The following TMX3 variants were observed in gnomAD, a reference collection of about 807,000 sequenced individuals.
The protein encoded by TMX3 is protein disulfide-isomerase TMX3.
TMX3 carries 40 observed loss-of-function variants against 64.4 expected under a neutral mutation model. That is an observed-to-expected ratio of 0.62 (90% confidence interval 0.48 to 0.81). The LOEUF (loss-of-function observed/expected upper bound fraction) is 0.81. Ranked by LOEUF, TMX3 falls within the 30% of genes least tolerant of loss-of-function variation. TMX3 has a pLI of 0.00. For synonymous variants in TMX3, 189 were observed against 175.7 expected (o/e 1.08, Z -0.60); for missense variants, 497 against 534.5 (o/e 0.93, Z 0.69).
intron 10 of TMX3, among the ~76,000 whole-genome samples, chr18:68,684,736 A>G (rs113723158): frequency 6.6e-6 from 1 of 152,194 alleles, no homozygotes; most frequent in African/African-American, 2.4e-5. Context: ...TAAATATGTA[A>G]TAATTTATAC....
In TMX3 at chr18:68,710,116, T is replaced by C. The variant is rs1408236694; in HGVS notation, c.170A>G (p.Lys57Arg). The change falls in exon 4 of 16, where the codon AAA becomes AGA. Residue 57 changes from lysine to arginine, a missense_variant. By Grantham distance (26) the Lys-to-Arg change is conservative. Transcript: ENST00000299608. Reference sequence around the variant, plus strand: ...TTCATTCCAAATTGGTTCCAGCTTTTTACAATGGCCACACCATGGCGCATA... The same window carrying C: ...TTCATTCCAAATTGGTTCCAGCTTTCTACAATGGCCACACCATGGCGCATA... ...DFYAPWCGHC[K>R]KLEPIWNEVG... The C allele has an allele frequency of 6.3e-7, 1 of 1,599,074 alleles. No homozygotes were observed. The highest frequency in any genetic ancestry group is 8.5e-7 in the Non-Finnish European group (1 of 1,173,554).
chr18:68,713,004 A>T (rs1044454207), intron 2 of TMX3, among the ~76,000 whole-genome samples: 338 of 114,432 alleles, frequency 3.0e-3, no homozygotes, highest in African/African-American at 0.015. Flanking sequence ...CAAGAGGTTT[A>T]AAAAAAAAAA....
At chr18:68,701,927 T>C in intron 4 of TMX3, 137 bp from the exon 5 acceptor site, 2 of 612,036 alleles carry the variant, frequency 3.3e-6, no homozygotes, top group Non-Finnish European at 5.5e-6. Flanking sequence ...CTTAAGATTA[T>C]AAAATCACAC....
intron 2 of TMX3, 97 bp downstream of exon 2, chr18:68,713,749 T>C: frequency 1.8e-6 from 1 of 569,406 alleles, no homozygotes; most frequent in Non-Finnish European, 2.7e-6. Flanking sequence ...TATATAAAAA[T>C]TGGTTCCAAT....
At chr18:68,698,374 AAG>A (rs1915322977) in intron 6 of TMX3, among the ~76,000 whole-genome samples, 1 of 152,200 alleles carries the variant, frequency 6.6e-6, no homozygotes, top group South Asian at 2.1e-4. Context: ...GACAATTCCC[AAG>A]AGAGTTATTT....
intron 4 of TMX3, among the ~76,000 whole-genome samples, chr18:68,708,019 ATATATGTG>A (rs901746253): frequency 6.2e-5 from 8 of 129,634 alleles, no homozygotes; most frequent in South Asian, 2.1e-4. Context: ...GTATATGTGT[ATATATGTG>A]TATATGTGTA....
At chr18:68,687,452 T>C (rs1000323214) in intron 10 of TMX3, 5 of 985,324 alleles carry the variant, frequency 5.1e-6, no homozygotes, top group African/African-American at 3.5e-5. Flanking sequence ...CCATCAGTTC[T>C]ATTAGTAAAC....
intron 4 of TMX3, among the ~76,000 whole-genome samples, chr18:68,706,597 G>A (rs140071861): frequency 1.2e-3 from 185 of 152,272 alleles, no homozygotes; most frequent in African/African-American, 4.3e-3. Flanking sequence ...CAGATTACAT[G>A]CTGAGGAACA....
rs933375466 is a variant in TMX3, at chr18:68,685,721, T to C, written c.737-1236A>G. Among the ~76,000 whole-genome samples, 14 of 152,094 alleles carry C rather than the reference T, an allele frequency of 9.2e-5. 1 individual carries two copies. Among genetic ancestry groups the C allele is most frequent in the Non-Finnish European group, 1.8e-4 (12 of 68,012 alleles). On this transcript the variant is annotated intron_variant, in intron 10 of 15. Transcript: ENST00000299608. The stretch of plus-strand genomic sequence containing the variant: ...CTGCGCTTGTGAAAGCACAACACAA[T>C]AGAACTGGTAGACATTTTCATCAAA...
chr18:68,710,534 T>A (rs2031171539), intron 3 of TMX3, among the ~76,000 whole-genome samples: 2 of 150,154 alleles, frequency 1.3e-5, no homozygotes, highest in African/African-American at 5.1e-5. Flanking sequence ...AATCTACTTC[T>A]ATTACAAAAA....
At chr18:68,705,335 A>C (rs1037328098) in intron 4 of TMX3, among the ~76,000 whole-genome samples, 4 of 152,226 alleles carry the variant, frequency 2.6e-5, no homozygotes, top group African/African-American at 9.6e-5. Flanking sequence ...AAACAAACAA[A>C]AAAACCCACA....
chr18:68,714,817 T>G, intron 1 of TMX3, 119 bp downstream of exon 1: 2 of 1,336,466 alleles, frequency 1.5e-6, no homozygotes, highest in Non-Finnish European at 2.0e-6. Context: ...CTGCCGGGAA[T>G]GGGTGGGCAT....
chr18:68,708,125 A>G (rs139904828), intron 4 of TMX3, among the ~76,000 whole-genome samples: 58 of 152,050 alleles, frequency 3.8e-4, no homozygotes, highest in African/African-American at 1.4e-3. Context: ...AATTACTTTC[A>G]TGAGCAACAG....
Position 68,691,482 on chromosome 18 carries a change from T to A in TMX3, c.571-121A>T, listed in dbSNP as rs573191167. 1.2e-4 allele frequency: 73 copies of A among 602,202 alleles called. No individual in the cohort carries two copies. In the East Asian group the frequency reaches 2.1e-3, roughly 17 times the overall value. The allele number at this position is 602,202 out of a possible 1,614,324, so 37.3% of individuals were successfully genotyped here. A position where few individuals can be genotyped will look rare whatever the true frequency, so the allele number is the denominator to read the frequency against. ...CACACATAAAAATAACAAAAAAGAA[T>A]GTCACAAACAGTTAAAGAGTACAGT... On this transcript the variant is annotated intron_variant, in intron 8 of 15. Transcript: ENST00000299608.
chr18:68,701,673 A>T (rs775659255), intron 5 of TMX3, 72 bp downstream of exon 5: 3 of 1,600,370 alleles, frequency 1.9e-6, no homozygotes, highest in Non-Finnish European at 2.6e-6. Context: ...ATCTACTAGA[A>T]ATTAACGTAA....
intron 1 of TMX3, chr18:68,714,486 C>T (rs547810641): frequency 1.6e-3 from 294 of 178,570 alleles, no homozygotes; most frequent in African/African-American, 6.8e-3. Context: ...CTTTTCACAC[C>T]GCACAATCCC....
At chr18:68,711,106 T>C (rs183011991) in intron 3 of TMX3, among the ~76,000 whole-genome samples, 348 of 152,252 alleles carry the variant, frequency 2.3e-3, no homozygotes, top group African/African-American at 8.0e-3. Flanking sequence ...TTGACCTCAT[T>C]GTAAGACAGG....
chr18:68,711,261 A>G (rs1467450339), intron 3 of TMX3, 103 bp downstream of exon 3: 5 of 701,246 alleles, frequency 7.1e-6, no homozygotes, highest in South Asian at 2.6e-5. Context: ...GAGTATATAC[A>G]TAAGCACTAG....
At chr18:68,692,385 G>C (rs1914612549) in intron 8 of TMX3, among the ~76,000 whole-genome samples, 1 of 152,048 alleles carries the variant, frequency 6.6e-6, no homozygotes, top group African/African-American at 2.4e-5. Context: ...CCTCTCCCGT[G>C]TGTTTTTTTC....
Sources: gnomAD v4.1 joint callset for allele counts (sites outside exome capture counted in the v4.1 genomes callset) on GRCh38, gnomAD v4.1.1 for gene constraint, MANE v1.5 for transcripts, NCBI Gene and HGNC (gene_info 2026-07-23, HGNC 2026-07-21) for gene names.